GMPS: variants seen among roughly 807,000 people sequenced by gnomAD.
The protein encoded by GMPS is GMP synthase [glutamine-hydrolyzing].
In GMPS, 15 loss-of-function variants were observed where a neutral mutation model predicts 77.9. The ratio of observed to expected loss-of-function variants is 0.19; its 90% confidence interval spans 0.13 to 0.30. The LOEUF (loss-of-function observed/expected upper bound fraction) is 0.30. GMPS is among the 10% of genes least tolerant of loss of function. The pLI, the probability that GMPS is intolerant of heterozygous loss-of-function variation, is 1.00. For synonymous variants in GMPS, 224 were observed against 275.9 expected, an observed-to-expected ratio of 0.81 and a Z score of 1.86; for missense variants, 590 against 838.8, an observed-to-expected ratio of 0.70 and a Z score of 3.66.
At chr3:155,930,431 A>G (rs1755583427) in intron 12 of GMPS, among the ~76,000 whole-genome samples, 2 of 146,250 alleles carry the variant, frequency 1.4e-5, no homozygotes, top group Non-Finnish European at 3.0e-5. Context: ...AGGCATTACC[A>G]TTCAGGACAT....
intron 12 of GMPS, among the ~76,000 whole-genome samples, chr3:155,931,460 A>T (rs1479083437): frequency 1.3e-5 from 2 of 152,174 alleles, no homozygotes; most frequent in African/African-American, 4.8e-5. Context: ...TGCTGGGATT[A>T]CAGGCATGAA....
rs1380478262 is a variant in GMPS at position 155,925,314 on chromosome 3, G to C, written c.1508G>C (p.Ser503Thr). Residue 503 changes from serine to threonine, a missense_variant, in exon 12 of 16, where the codon AGT becomes ACT. By Grantham distance (58) the Ser-to-Thr change is moderately conservative. Coordinates refer to ENST00000496455, the MANE Select transcript of GMPS (RefSeq NM_003875.3). ...CAGGAGAAGCTGATGCAAATTACCAGTCTGCATTCACTGAATGCCTTCTTG... is the reference window on the plus strand; with the variant it reads ...CAGGAGAAGCTGATGCAAATTACCACTCTGCATTCACTGAATGCCTTCTTG... ...EDQEKLMQITSLHSLNAFLLP... is the reference protein window; with the variant it reads ...EDQEKLMQITTLHSLNAFLLP... 6.2e-7 allele frequency: 1 copy of C among 1,609,434 alleles called. No homozygotes were observed. Among genetic ancestry groups the C allele is most frequent in the African/African-American group, 1.3e-5 (1 of 74,982 alleles).
chr3:155,876,971 T>G (rs559895677), intron 1 of GMPS, among the ~76,000 whole-genome samples: 3 of 152,328 alleles, frequency 2.0e-5, no homozygotes, highest in East Asian at 1.9e-4. Context: ...CATGTGAAGT[T>G]TTCTGTTTAG....
intron 12 of GMPS, among the ~76,000 whole-genome samples, 175 bp from the exon 13 acceptor site, chr3:155,931,590 A>G (rs1755619888): frequency 6.6e-6 from 1 of 151,798 alleles, no homozygotes; most frequent in African/African-American, 2.4e-5. Flanking sequence ...TTAAAGAAGC[A>G]TTTAGTATAT....
chr3:155,895,302 A>T (rs898305666), intron 2 of GMPS: 7 of 149,216 alleles, frequency 4.7e-5, no homozygotes, highest in African/African-American at 1.5e-4. Flanking sequence ...ACCTATTTTT[A>T]TTTTTTTTTT....
In GMPS at chr3:155,910,791, A is replaced by G; in HGVS notation, c.626A>G (p.Asp209Gly). The G allele has an allele frequency of 6.2e-7, 1 of 1,611,696 alleles. No homozygotes were observed. Among genetic ancestry groups the G allele is most frequent in the Non-Finnish European group, 8.5e-7 (1 of 1,178,034 alleles). Residue 209 changes from aspartate (D) to glycine (G), a missense_variant, in exon 6 of 16, where the codon GAT becomes GGT. Physicochemically the swap from Asp to Gly is moderately conservative, Grantham distance 94. Transcript: ENST00000496455. ...GTAATACTGAAGAATTTCCTTTATG[A>G]TATAGCTGGATGCAGTGGAACCTTC... The part of the protein sequence containing the change: ...GKVILKNFLY[D>G]IAGCSGTFTV...
At chr3:155,885,763 G>C (rs1032565082) in intron 1 of GMPS, among the ~76,000 whole-genome samples, 5 of 152,266 alleles carry the variant, frequency 3.3e-5, no homozygotes, top group African/African-American at 9.6e-5. Flanking sequence ...TATAGAAAGA[G>C]ACTTATTTAG....
At chr3:155,903,768 T>C in intron 3 of GMPS, 95 bp from the exon 4 acceptor site, 2 of 560,688 alleles carry the variant, frequency 3.6e-6, no homozygotes, top group Non-Finnish European at 6.3e-6. Context: ...ATATCAGGTA[T>C]TCTGAAAAGA....
intron 7 of GMPS, among the ~76,000 whole-genome samples, chr3:155,913,095 A>G (rs567126489): frequency 2.6e-5 from 4 of 152,304 alleles, no homozygotes; most frequent in South Asian, 2.1e-4. Flanking sequence ...AAAATTCTCT[A>G]TGCTGAATGG....
At chr3:155,924,067 A>G (rs1755392349) in intron 11 of GMPS, among the ~76,000 whole-genome samples, 1 of 152,044 alleles carries the variant, frequency 6.6e-6, no homozygotes. Flanking sequence ...TTTAGTTGAG[A>G]CGGGGTTTCT....
intron 2 of GMPS, among the ~76,000 whole-genome samples, chr3:155,894,804 G>C (rs1288919353): frequency 6.6e-6 from 1 of 152,174 alleles, no homozygotes; most frequent in African/African-American, 2.4e-5. Flanking sequence ...AATTATAAAA[G>C]GCGGGCTTAA....
chr3:155,936,284 G>A (rs1755763825), intron 14 of GMPS, 54 bp from the exon 15 acceptor site: 2 of 1,116,870 alleles, frequency 1.8e-6, no homozygotes, highest in Non-Finnish European at 2.7e-6. Context: ...ATTGAACTGA[G>A]TTAGAGTGCT....
intron 1 of GMPS, among the ~76,000 whole-genome samples, chr3:155,886,927 C>T (rs888292558): frequency 1.3e-5 from 2 of 152,126 alleles, no homozygotes; most frequent in Admixed American, 1.3e-4. Context: ...AAAAGCTTTT[C>T]TGCAACTTTA....
chr3:155,932,255 G>A (rs1354016906), intron 13 of GMPS, among the ~76,000 whole-genome samples: 2 of 148,296 alleles, frequency 1.3e-5, no homozygotes, highest in Non-Finnish European at 3.0e-5. Flanking sequence ...GTATGTCCAG[G>A]TTACAGAATT....
chr3:155,900,734 A>G (rs1250484461), intron 3 of GMPS, among the ~76,000 whole-genome samples: 1 of 152,120 alleles, frequency 6.6e-6, no homozygotes. Flanking sequence ...TGCCTTTATT[A>G]TCAGCTGAAC....
intron 12 of GMPS, among the ~76,000 whole-genome samples, chr3:155,931,310 C>T (rs533654222): frequency 9.2e-5 from 14 of 151,714 alleles, no homozygotes; most frequent in Admixed American, 4.6e-4. Flanking sequence ...CTCAGCCTCC[C>T]GAGTAGCTGG....
rs1228934996 is a variant in GMPS at position 155,936,341 on chromosome 3, A to G, written c.1811A>G (p.Tyr604Cys). 6.2e-7 allele frequency: 1 copy of G among 1,603,626 alleles called. No individual in the cohort carries two copies. Among genetic ancestry groups the G allele is most frequent in the African/African-American group, 1.3e-5 (1 of 74,854 alleles). ...TTCTACATATACCTTTCTCTAGGGT[A>G]TGCTGGGAAAATCAGCCAGATGCCG... Reference protein sequence around the residue: ...EAHNILRESGYAGKISQMPVI... With the variant: ...EAHNILRESGCAGKISQMPVI... Residue 604 changes from tyrosine to cysteine, a missense_variant, in exon 15 of 16, where the codon TAT becomes TGT. Physicochemically the swap from Tyr to Cys is radical, Grantham distance 194. Coordinates refer to ENST00000496455, the MANE Select transcript of GMPS (RefSeq NM_003875.3).
intron 3 of GMPS, among the ~76,000 whole-genome samples, chr3:155,899,334 C>T: frequency 6.6e-6 from 1 of 151,442 alleles, no homozygotes; most frequent in East Asian, 1.9e-4. Context: ...TGCCGTTGCA[C>T]TCCAGCCTCA....
At chr3:155,923,879 T>G (rs568952687) in intron 11 of GMPS, among the ~76,000 whole-genome samples, 98 of 152,228 alleles carry the variant, frequency 6.4e-4, no homozygotes, top group South Asian at 1.7e-3. Context: ...TTGTTTTTTT[T>G]TTTGTTTGTT....
Sources: allele counts gnomAD v4.1 joint callset (sites outside exome capture counted in the v4.1 genomes callset), GRCh38; gene constraint gnomAD v4.1.1; transcripts MANE v1.5; gene names NCBI Gene and HGNC (gene_info 2026-07-23, HGNC 2026-07-21).